MERTK: variants seen among roughly 807,000 people sequenced by gnomAD.
MERTK encodes MER proto-oncogene, tyrosine kinase.
In MERTK, 69 loss-of-function variants were observed where a neutral mutation model predicts 99.3. The observed-to-expected ratio is 0.70, with a 90% CI of 0.57 to 0.85. MERTK has a LOEUF of 0.85. MERTK is among the 40% of genes least tolerant of loss of function. The probability of loss-of-function intolerance (pLI) is 0.00; values close to 1 mark genes in which losing one functional copy is unlikely to be tolerated. For missense variants in MERTK, 1,125 were observed against 1,249.4 expected (o/e 0.90, Z 1.50); for synonymous variants, 426 against 467.6 (o/e 0.91, Z 1.15).
intron 4 of MERTK, among the ~76,000 whole-genome samples, chr2:111,955,406 A>G (rs1296813715): frequency 2.0e-5 from 3 of 152,158 alleles, no homozygotes; most frequent in Non-Finnish European, 4.4e-5. Context: ...AATGGAGAAC[A>G]TATCAGAACA....
intron 2 of MERTK, among the ~76,000 whole-genome samples, chr2:111,931,209 AT>A (rs1414963199): frequency 1.3e-5 from 2 of 151,080 alleles, no homozygotes; most frequent in Non-Finnish European, 2.9e-5. Context: ...TTTTTTTTAC[AT>A]TTTTTCCCCC....
intron 9 of MERTK, chr2:111,995,526 A>C (rs962153317): frequency 1.6e-5 from 3 of 188,398 alleles, no homozygotes; most frequent in African/African-American, 7.2e-5. Context: ...TGACACTGAA[A>C]CTTGCTCTCC....
chr2:111,985,845 C>T (rs1358949635), intron 8 of MERTK, among the ~76,000 whole-genome samples: 1 of 152,108 alleles, frequency 6.6e-6, no homozygotes, highest in Non-Finnish European at 1.5e-5. Flanking sequence ...GGGACACAGC[C>T]AAACCATATA....
In MERTK at chr2:111,989,830, T is replaced by C. The variant is rs547524270; in HGVS notation, c.1297-4421T>C. ...CTGTCAAGATACACTGTGTCTTATCTTACATGTAAGTAAAGTTGCAATCAA... is the reference window on the plus strand; with the variant it reads ...CTGTCAAGATACACTGTGTCTTATCCTACATGTAAGTAAAGTTGCAATCAA... On this transcript the variant is annotated intron_variant, in intron 8 of 18. Transcript: ENST00000295408. 5.3e-5 allele frequency among the ~76,000 whole-genome samples: 8 copies of C among 152,360 alleles called. No homozygotes were observed. The Middle Eastern group carries it at 0.017, about 324-fold the overall frequency.
At chr2:111,905,787 C>A (rs1319498911) in intron 1 of MERTK, among the ~76,000 whole-genome samples, 1 of 152,196 alleles carries the variant, frequency 6.6e-6, no homozygotes, top group African/African-American at 2.4e-5. Flanking sequence ...ACACTCAATT[C>A]TAAAGCATTT....
At chr2:111,964,606 G>C (rs1685326763) in intron 4 of MERTK, among the ~76,000 whole-genome samples, 1 of 152,164 alleles carries the variant, frequency 6.6e-6, no homozygotes, top group Non-Finnish European at 1.5e-5. Flanking sequence ...ATTTTTTAAA[G>C]ATGTCTTCAA....
intron 14 of MERTK, 47 bp downstream of exon 14, chr2:112,008,522 A>T (rs757730170): frequency 1.4e-6 from 2 of 1,407,106 alleles, no homozygotes; most frequent in Admixed American, 3.3e-5. Context: ...GGCTCTGCTG[A>T]TCTGCTCTGT....
intron 4 of MERTK, chr2:111,952,418 A>G (rs1685075543): frequency 6.5e-6 from 1 of 154,748 alleles, no homozygotes; most frequent in Non-Finnish European, 1.5e-5. Context: ...CCTGTTGGTC[A>G]CAGGAACAAG....
At chr2:111,938,332 C>T (rs762739344) in intron 2 of MERTK, among the ~76,000 whole-genome samples, 6 of 152,018 alleles carry the variant, frequency 3.9e-5, no homozygotes, top group South Asian at 4.1e-4. Context: ...CCTGGGCTCA[C>T]GTGATCCTTC....
intron 2 of MERTK, among the ~76,000 whole-genome samples, chr2:111,941,820 C>CT (rs1370710484): frequency 6.6e-6 from 1 of 152,200 alleles, no homozygotes; most frequent in African/African-American, 2.4e-5. Flanking sequence ...CCTTGAATGA[C>CT]TAAAGACAAA....
chr2:111,944,088 C>T (rs1005243433), intron 2 of MERTK, among the ~76,000 whole-genome samples: 2 of 152,072 alleles, frequency 1.3e-5, no homozygotes, highest in African/African-American at 4.8e-5. Context: ...CCCCTAAGGT[C>T]AGAAGTTCGA....
At chr2:111,915,732 C>T (rs1684339268) in intron 1 of MERTK, among the ~76,000 whole-genome samples, 1 of 151,946 alleles carries the variant, frequency 6.6e-6, no homozygotes, top group South Asian at 2.1e-4. Context: ...CTCATCTCTA[C>T]TAAATACAAA....
intron 18 of MERTK, among the ~76,000 whole-genome samples, chr2:112,025,355 A>G (rs1439724638): frequency 1.3e-5 from 2 of 152,114 alleles, no homozygotes; most frequent in Admixed American, 6.6e-5. Context: ...CTCGCGCTTC[A>G]CACACCTGAC....
In MERTK at chr2:112,024,283, T is replaced by C. The variant is rs142785140; in HGVS notation, c.2486+1889T>C. Among the ~76,000 whole-genome samples, 58 of 152,326 alleles carry C rather than the reference T, an allele frequency of 3.8e-4. 1 individual carries two copies. The East Asian group carries it at 9.6e-3, about 25-fold the overall frequency. ...CCTTGCCCACCAAAATAAGTTGATA[T>C]TTGCGGTGATTATGTTGGGTCTTAG... On this transcript the variant is annotated intron_variant, in intron 18 of 18. Coordinates refer to ENST00000295408, the MANE Select transcript of MERTK (RefSeq NM_006343.3).
intron 2 of MERTK, chr2:111,940,244 A>G (rs917799175): frequency 2.9e-5 from 9 of 305,522 alleles, no homozygotes; most frequent in Middle Eastern, 1.3e-3. Flanking sequence ...GGAAGTATAC[A>G]TGGTTCCCAA....
At chr2:111,976,718 CTTCTTT>C (rs1447222366) in intron 7 of MERTK, among the ~76,000 whole-genome samples, 2 of 151,454 alleles carry the variant, frequency 1.3e-5, no homozygotes, top group African/African-American at 4.8e-5. Flanking sequence ...TTCTCCTTTT[CTTCTTT>C]TTCTTCATTT....
At chr2:111,912,495 T>C (rs1355912762) in intron 1 of MERTK, among the ~76,000 whole-genome samples, 4 of 152,192 alleles carry the variant, frequency 2.6e-5, no homozygotes, top group African/African-American at 9.7e-5. Flanking sequence ...TAAGAGCCCT[T>C]AACCTTCTTA....
chr2:111,967,412 AT>A (rs1037626930), intron 5 of MERTK, among the ~76,000 whole-genome samples: 2 of 152,154 alleles, frequency 1.3e-5, no homozygotes, highest in African/African-American at 4.8e-5. Context: ...TGTAATTATT[AT>A]TATGAATTAA....
intron 15 of MERTK, among the ~76,000 whole-genome samples, chr2:112,014,358 T>C (rs1346347685): frequency 6.6e-6 from 1 of 151,728 alleles, no homozygotes; most frequent in African/African-American, 2.4e-5. Flanking sequence ...AGAGACAGGG[T>C]TTCTCCATGT....
Sources: gnomAD v4.1 joint callset for allele counts (sites outside exome capture counted in the v4.1 genomes callset) on GRCh38, gnomAD v4.1.1 for gene constraint, MANE v1.5 for transcripts, NCBI Gene and HGNC (gene_info 2026-07-23, HGNC 2026-07-21) for gene names.